Variants in NIPSNAP1 observed in about 807,000 individuals in gnomAD.
NIPSNAP1 encodes the protein protein NipSnap homolog 1.
Under a neutral mutation model 49.2 loss-of-function variants are expected in NIPSNAP1, and 25 were observed. The ratio of observed to expected loss-of-function variants is 0.51; its 90% CI spans 0.37 to 0.71. NIPSNAP1 has a LOEUF of 0.71. NIPSNAP1 is among the 30% of genes least tolerant of loss of function. The pLI, the probability that NIPSNAP1 is intolerant of heterozygous loss-of-function variation, is 0.00. For synonymous variants in NIPSNAP1, 143 were observed against 140.7 expected (o/e 1.02, Z -0.12); for missense variants, 294 against 361.0 (o/e 0.81, Z 1.50).
chr22:29,570,488 A>G lies in NIPSNAP1; in HGVS notation c.143T>C (p.Phe48Ser). 1.2e-6 allele frequency: 2 copies of G among 1,614,154 alleles called. No individual in the cohort carries two copies. The highest frequency in any genetic ancestry group is 1.7e-6 in the Non-Finnish European group (2 of 1,180,018). ...DNEGSWFRSLFVHKVDPRKDA... is the reference protein window; with the variant it reads ...DNEGSWFRSLSVHKVDPRKDA... ...CTTCCGGGGATCCACTTTGTGAACA[A>G]AGAGGGAGCGGAACCAGCTGCCTTC... is the stretch of plus-strand genomic sequence containing the variant. The change falls in exon 2 of 10, where the codon TTT becomes TCT. Residue 48 changes from phenylalanine to serine, a missense_variant. Coordinates refer to ENST00000216121, the MANE Select transcript of NIPSNAP1 (RefSeq NM_003634.4).
Position 29,575,720 on chromosome 22 carries a change from T to G in NIPSNAP1, c.99-5188A>C, listed in dbSNP as rs562651934. Among the ~76,000 whole-genome samples, 1,051 of 151,898 alleles carry G rather than the reference T, an allele frequency of 6.9e-3. 9 individuals carry two copies. The highest frequency in any genetic ancestry group is 0.012 in the Non-Finnish European group (798 of 67,950). On this transcript the variant is annotated intron_variant, in intron 1 of 9. Coordinates refer to ENST00000216121, the MANE Select transcript of NIPSNAP1 (RefSeq NM_003634.4). ...TTGAACCCAGGAGTTGTTTTTTTTT[T>G]TTTGTTTTGTTTGAGATGGAGTCTC... is the stretch of plus-strand genomic sequence containing the variant.
At position 29,557,040 on chromosome 22, in the gene NIPSNAP1, C is replaced by T. The variant is rs113190291; in HGVS notation, c.791-1041G>A. Among the ~76,000 whole-genome samples the T allele has an allele frequency of 3.3e-4, 50 of 152,230 alleles. 1 individual carries two copies. Among genetic ancestry groups the T allele is most frequent in the African/African-American group, 1.1e-3 (47 of 41,554 alleles). On this transcript the variant is annotated intron_variant, in intron 9 of 9. Coordinates refer to ENST00000216121, the MANE Select transcript of NIPSNAP1 (RefSeq NM_003634.4). The stretch of plus-strand genomic sequence containing the variant: ...CTGGGATGACAGGCGTGAGCCACTG[C>T]GCCCAGCCGAGATTTGTCATTCTTA...
At chr22:29,564,929 T>C (rs775372708) in intron 4 of NIPSNAP1, among the ~76,000 whole-genome samples, 1 of 152,108 alleles carries the variant, frequency 6.6e-6, no homozygotes, top group Non-Finnish European at 1.5e-5. Flanking sequence ...CTCAGGCCTG[T>C]AATCCCAACA....
intron 1 of NIPSNAP1, among the ~76,000 whole-genome samples, chr22:29,579,442 G>A (rs973404216): frequency 1.3e-5 from 2 of 151,688 alleles, no homozygotes; most frequent in Non-Finnish European, 2.9e-5. Flanking sequence ...GACTACAGGC[G>A]CCTGCCACCG....
chr22:29,567,519 C>T (rs468902), intron 4 of NIPSNAP1, among the ~76,000 whole-genome samples: 80,096 of 151,882 alleles, frequency 0.53, 21,369 homozygotes, highest in South Asian at 0.66. Context: ...GAGGAAATCT[C>T]GGCAGCCTTC....
At chr22:29,570,274 G>T in intron 2 of NIPSNAP1, 67 bp from the exon 3 acceptor site, 1 of 1,601,736 alleles carries the variant, frequency 6.2e-7, no homozygotes, top group South Asian at 1.1e-5. Flanking sequence ...TTGGGGTGAG[G>T]GGAGCCCATC....
chr22:29,572,806 T>TTAAAA (rs1555973375), intron 1 of NIPSNAP1, among the ~76,000 whole-genome samples: 3 of 150,372 alleles, frequency 2.0e-5, no homozygotes, highest in Admixed American at 6.7e-5. Flanking sequence ...CTCAAAAAAA[T>TTAAAA]AAAATAAAAT....
chr22:29,569,247 G>A lies in NIPSNAP1; in HGVS notation c.313C>T (p.Pro105Ser), dbSNP rs1443566133. The change falls in exon 4 of 10, where the codon CCA (proline) becomes TCA (serine). Residue 105 changes from proline (P) to serine (S), a missense_variant. Transcript: ENST00000216121. ...LPKLHLDEDY[P>S]CSLVGNWNTW... ...TTCCAGTTGCCCACGAGTGAGCATG[G>A]GTAGTCCTCATCCAGGTGAAGCTTG... 6.2e-7 allele frequency: 1 copy of A among 1,614,060 alleles called. No individual in the cohort carries two copies. Among genetic ancestry groups the A allele is most frequent in the Non-Finnish European group, 8.5e-7 (1 of 1,179,976 alleles).
At position 29,560,815 on chromosome 22, in the gene NIPSNAP1, T is replaced by C. The variant is rs766573116; in HGVS notation, c.625A>G (p.Lys209Glu). 4.3e-6 allele frequency: 7 copies of C among 1,613,916 alleles called. No homozygotes were observed. The highest frequency in any genetic ancestry group is 5.9e-6 in the Non-Finnish European group (7 of 1,179,998). ...GCCTCCTGGTTCTCCTGCCGGTACT[T>C]GATGGCCCGAGCCCTGGAGAAGGCA... The part of the protein sequence containing the change: ...EWGNNWARAI[K>E]YRQENQEAVG... Residue 209 changes from lysine to glutamate, a missense_variant, in exon 8 of 10, where the codon AAG (lysine) becomes GAG (glutamate). Coordinates refer to ENST00000216121, the MANE Select transcript of NIPSNAP1 (RefSeq NM_003634.4).
At chr22:29,571,481 G>C (rs531923939) in intron 1 of NIPSNAP1, among the ~76,000 whole-genome samples, 5 of 152,168 alleles carry the variant, frequency 3.3e-5, no homozygotes, top group Non-Finnish European at 7.3e-5. Flanking sequence ...GGCAGTGGAG[G>C]GTCTGCTGCC....
intron 4 of NIPSNAP1, among the ~76,000 whole-genome samples, chr22:29,563,807 G>A (rs963357647): frequency 6.6e-6 from 1 of 152,138 alleles, no homozygotes; most frequent in Admixed American, 6.6e-5. Context: ...GGGAGGCAGA[G>A]ATTAGAATGA....
intron 1 of NIPSNAP1, among the ~76,000 whole-genome samples, chr22:29,579,489 G>A (rs1258968066): frequency 6.6e-6 from 1 of 151,704 alleles, no homozygotes. Flanking sequence ...GTAGAGATGG[G>A]GTTTCACCGT....
chr22:29,560,659 C>T, intron 8 of NIPSNAP1, 75 bp downstream of exon 8: 2 of 1,178,202 alleles, frequency 1.7e-6, no homozygotes, highest in Non-Finnish European at 2.6e-6. Flanking sequence ...GACACTAATA[C>T]AACCCCATTG....
chr22:29,572,892 T>A (rs963514747), intron 1 of NIPSNAP1, among the ~76,000 whole-genome samples: 2 of 151,382 alleles, frequency 1.3e-5, no homozygotes, highest in African/African-American at 4.9e-5. Context: ...CTTAGGAGGA[T>A]CGCATGAAGC....
intron 9 of NIPSNAP1, among the ~76,000 whole-genome samples, chr22:29,556,602 G>T (rs1199670629): frequency 6.6e-6 from 1 of 152,152 alleles, no homozygotes; most frequent in African/African-American, 2.4e-5. Context: ...CCTAGAGAAG[G>T]TCAGCTCCAG....
intron 6 of NIPSNAP1, 67 bp from the exon 7 acceptor site, chr22:29,561,269 C>A (rs1274951040): frequency 6.3e-7 from 1 of 1,590,506 alleles, no homozygotes; most frequent in Non-Finnish European, 8.6e-7. Flanking sequence ...CACAGCTTGG[C>A]AAGGAAGGGA....
At chr22:29,564,520 T>C in intron 4 of NIPSNAP1, 1 of 416,398 alleles carries the variant, frequency 2.4e-6, no homozygotes, top group Admixed American at 2.8e-5. Flanking sequence ...TTTAAGAGAC[T>C]GTCCTGCCTA....
intron 4 of NIPSNAP1, among the ~76,000 whole-genome samples, chr22:29,568,396 T>C (rs1410593977): frequency 6.7e-6 from 1 of 148,840 alleles, no homozygotes; most frequent in Admixed American, 6.8e-5. Flanking sequence ...GGCAGGAGAA[T>C]ATCTTCAACT....
At position 29,555,988 on chromosome 22, in the gene NIPSNAP1, G is replaced by A; in HGVS notation, c.802C>T (p.Arg268Ter). 1 of 1,551,012 alleles carries A rather than the reference G, an allele frequency of 6.4e-7. No homozygotes were observed. The highest frequency in any genetic ancestry group is 8.7e-7 in the Non-Finnish European group (1 of 1,146,748). ...ENVYYTVPLV[R>*]HMESRIMIPL... ...ATCATGATCCTAGACTCCATGTGTCGCACCAGGGGGACTGCGGAGAGAGAA... is the reference window on the plus strand; with the variant it reads ...ATCATGATCCTAGACTCCATGTGTCACACCAGGGGGACTGCGGAGAGAGAA... The change falls in exon 10 of 10, where the codon CGA becomes TGA. Residue 268 changes from arginine (R) to a stop codon, truncating the protein, a stop_gained. Transcript: ENST00000216121. LOFTEE classifies it high-confidence loss of function.
Sources: allele counts gnomAD v4.1 joint callset (sites outside exome capture counted in the v4.1 genomes callset), GRCh38; gene constraint gnomAD v4.1.1; transcripts MANE v1.5; gene names NCBI Gene and HGNC (gene_info 2026-07-23, HGNC 2026-07-21).